PCCA: variants seen among roughly 807,000 people sequenced by gnomAD.
The protein encoded by PCCA is propionyl-CoA carboxylase subunit alpha.
In PCCA, 74 loss-of-function variants were observed where a neutral mutation model predicts 101.3. The observed-to-expected ratio is 0.73, with a 90% CI of 0.61 to 0.89. The LOEUF is 0.89. PCCA is among the 40% of genes least tolerant of loss of function. The probability of loss-of-function intolerance (pLI) is 0.00; values close to 1 mark genes in which losing one functional copy is unlikely to be tolerated. For missense variants in PCCA, 891 were observed against 907.0 expected (o/e 0.98, Z 0.23); for synonymous variants, 294 against 313.6 (o/e 0.94, Z 0.66).
chr13:100,250,671 A>G (rs9518030), intron 8 of PCCA, among the ~76,000 whole-genome samples: 38,786 of 151,960 alleles, frequency 0.26, 6,180 homozygotes, highest in Middle Eastern at 0.41. Flanking sequence ...ATCTTTACCT[A>G]TCTCTTAATT....
chr13:100,303,142 A>C, intron 14 of PCCA, 144 bp downstream of exon 14: 2 of 715,082 alleles, frequency 2.8e-6, no homozygotes, highest in South Asian at 3.0e-5. Flanking sequence ...TGTTGAAAAC[A>C]AATTTTTTTC....
At chr13:100,194,036 A>C (rs907105175) in intron 6 of PCCA, among the ~76,000 whole-genome samples, 2 of 151,580 alleles carry the variant, frequency 1.3e-5, no homozygotes, top group Non-Finnish European at 2.9e-5. Flanking sequence ...GTGCCACTGC[A>C]CTCCAGCCTG....
At chr13:100,258,841 A>G (rs1166822925) in intron 9 of PCCA, among the ~76,000 whole-genome samples, 1 of 152,224 alleles carries the variant, frequency 6.6e-6, no homozygotes, top group East Asian at 1.9e-4. Context: ...ATAAAAATAC[A>G]TGAATAATTT....
intron 19 of PCCA, among the ~76,000 whole-genome samples, chr13:100,407,723 T>G (rs1411873161): frequency 6.6e-6 from 1 of 152,222 alleles, no homozygotes; most frequent in South Asian, 2.1e-4. Context: ...AGACAAAAAT[T>G]TATATTTCCA....
chr13:100,195,642 A>C (rs889746360), intron 6 of PCCA, among the ~76,000 whole-genome samples: 4 of 152,196 alleles, frequency 2.6e-5, no homozygotes, highest in African/African-American at 9.6e-5. Context: ...AAGGTTTTAC[A>C]TGATAAAGGA....
At chr13:100,323,852 T>A (rs2068341692) in intron 16 of PCCA, among the ~76,000 whole-genome samples, 1 of 152,186 alleles carries the variant, frequency 6.6e-6, no homozygotes, top group Admixed American at 6.5e-5. Flanking sequence ...TATTGTTAAT[T>A]TACAAATGAG....
intron 19 of PCCA, among the ~76,000 whole-genome samples, chr13:100,383,571 C>T (rs540951445): frequency 6.6e-6 from 1 of 151,944 alleles, no homozygotes; most frequent in South Asian, 2.1e-4. Flanking sequence ...GATTGCACCA[C>T]TGCACTCTAG....
At chr13:100,334,469 G>A (rs1265041745) in intron 17 of PCCA, among the ~76,000 whole-genome samples, 2 of 152,184 alleles carry the variant, frequency 1.3e-5, no homozygotes, top group Non-Finnish European at 2.9e-5. Context: ...ATCTAGGGAG[G>A]AAGACCTAGA....
At chr13:100,292,507 T>C (rs2065203727) in intron 12 of PCCA, among the ~76,000 whole-genome samples, 2 of 152,236 alleles carry the variant, frequency 1.3e-5, no homozygotes, top group South Asian at 2.1e-4. Context: ...GAGCACACAT[T>C]CTTTCTGCTA....
chr13:100,173,434 G>A (rs902219661), intron 6 of PCCA, among the ~76,000 whole-genome samples: 12 of 152,128 alleles, frequency 7.9e-5, no homozygotes, highest in East Asian at 5.8e-4. Flanking sequence ...GACATTGATC[G>A]ATATCAAGTA....
chr13:100,282,389 C>G (rs568525784), intron 12 of PCCA, among the ~76,000 whole-genome samples: 30 of 152,356 alleles, frequency 2.0e-4, no homozygotes, highest in African/African-American at 6.5e-4. Flanking sequence ...GTGGGAGCCC[C>G]TTTCTGGGCT....
Position 100,209,596 on chromosome 13 carries a change from A to G in PCCA, c.600+133A>G, listed in dbSNP as rs2059082965. On this transcript the variant is annotated intron_variant, in intron 7 of 23. Transcript: ENST00000376285. Reference sequence around the variant, plus strand: ...CACACATATGCACGCACATACATACATGTATATATGTTTAAAAAATCAGTG... The same window carrying G: ...CACACATATGCACGCACATACATACGTGTATATATGTTTAAAAAATCAGTG... 7 of 669,370 alleles carry G rather than the reference A, an allele frequency of 1.0e-5. No individual in the cohort carries two copies. The South Asian group carries it at 1.2e-4, about 11-fold the overall frequency. The allele number at this position is 669,370 out of a possible 1,614,324, so 41.5% of individuals were successfully genotyped here.
At position 100,501,283 on chromosome 13, in the gene PCCA, A is replaced by T. The variant is rs145251092; in HGVS notation, c.1900-14144A>T. ...TGTGACATGCATAGATTGAATAGAG[A>T]GGAAGTCAAGGCTTTTAGATATTCA... On this transcript the variant is annotated intron_variant, in intron 21 of 23. Coordinates refer to ENST00000376285, the MANE Select transcript of PCCA (RefSeq NM_000282.4). 2.1e-3 allele frequency among the ~76,000 whole-genome samples: 320 copies of T among 152,334 alleles called. 3 individuals are homozygous for T. Among genetic ancestry groups the T allele is most frequent in the African/African-American group, 7.2e-3 (301 of 41,562 alleles).
At chr13:100,511,744 G>T (rs1161506787) in intron 21 of PCCA, among the ~76,000 whole-genome samples, 1 of 152,230 alleles carries the variant, frequency 6.6e-6, no homozygotes, top group Admixed American at 6.5e-5. Context: ...ACAGCAAACT[G>T]CAAGCGCTCA....
At chr13:100,271,165 C>A (rs1227910575) in intron 11 of PCCA, among the ~76,000 whole-genome samples, 1 of 152,184 alleles carries the variant, frequency 6.6e-6, no homozygotes, top group Non-Finnish European at 1.5e-5. Flanking sequence ...CACAGAGCTG[C>A]ACTGAGATTC....
chr13:100,322,882 C>G (rs1463231997), intron 16 of PCCA, among the ~76,000 whole-genome samples: 1 of 152,180 alleles, frequency 6.6e-6, no homozygotes, highest in Non-Finnish European at 1.5e-5. Flanking sequence ...GCACAATTTT[C>G]TCATTTGTAA....
At chr13:100,203,306 T>G (rs950187531) in intron 6 of PCCA, among the ~76,000 whole-genome samples, 2 of 151,054 alleles carry the variant, frequency 1.3e-5, no homozygotes, top group African/African-American at 4.9e-5. Context: ...GAGATGATAG[T>G]TTTGATCTAT....
chr13:100,514,448 G>A (rs1051107109), intron 21 of PCCA, among the ~76,000 whole-genome samples: 6 of 152,230 alleles, frequency 3.9e-5, no homozygotes, highest in African/African-American at 1.2e-4. Flanking sequence ...ATGAAATGGA[G>A]CTGTCTCACT....
At position 100,209,313 on chromosome 13, in the gene PCCA, G is replaced by T; in HGVS notation, c.469-19G>T. 2 of 1,611,138 alleles carry T rather than the reference G, an allele frequency of 1.2e-6. No homozygotes were observed. The highest frequency in any genetic ancestry group is 2.2e-5 in the South Asian group (2 of 90,926). On this transcript the variant is annotated intron_variant, in intron 6 of 23. Transcript: ENST00000376285. Reference sequence around the variant, plus strand: ...CCGTAATGTTCTTGTTATAAATTTTGACTTGTTTTTCTCCACAGGCAGCAG... The same window carrying T: ...CCGTAATGTTCTTGTTATAAATTTTTACTTGTTTTTCTCCACAGGCAGCAG...
Sources: allele counts gnomAD v4.1 joint callset (sites outside exome capture counted in the v4.1 genomes callset), GRCh38; gene constraint gnomAD v4.1.1; transcripts MANE v1.5; gene names NCBI Gene and HGNC (gene_info 2026-07-23, HGNC 2026-07-21).